Variants in DRG2 observed in about 807,000 individuals in gnomAD.
The protein encoded by DRG2 is developmentally-regulated GTP-binding protein 2.
In DRG2, 36 loss-of-function variants were observed where a neutral mutation model predicts 53.4. The observed-to-expected ratio is 0.67, with a 90% CI of 0.52 to 0.89. The LOEUF is 0.89. Ranked by LOEUF, DRG2 falls within the 40% of genes least tolerant of loss-of-function variation. The pLI is 0.00. For missense variants in DRG2, 342 were observed against 481.2 expected (o/e 0.71, Z 2.71); for synonymous variants, 167 against 192.1 (o/e 0.87, Z 1.08).
In DRG2 at chr17:18,099,537, TG is replaced by T; in HGVS notation, c.377-94del. On this transcript the variant is annotated intron_variant, in intron 4 of 12. Coordinates refer to ENST00000225729, the MANE Select transcript of DRG2 (RefSeq NM_001388.5). This position sits in a 1 kb window ranked among gnomAD's most constrained non-coding sequence, Gnocchi z 4.4. The stretch of plus-strand genomic sequence containing the variant: ...TTGTGCTAGTATGTGGCAGAGGCTG[TG>T]GTAGGTCTGTAAAGGACAGGAGTCC... 2 of 1,230,602 alleles carry T rather than the reference TG, an allele frequency of 1.6e-6. No homozygotes were observed. The highest frequency in any genetic ancestry group is 1.2e-6 in the Non-Finnish European group (1 of 854,764). The allele number at this position is 1,230,602 out of a possible 1,614,324, so 76.2% of individuals were successfully genotyped here.
At chr17:18,106,520 A>T (rs781536508) in intron 12 of DRG2, 34 bp downstream of exon 12, 4 of 1,613,128 alleles carry the variant, frequency 2.5e-6, no homozygotes. Flanking sequence ...CCAGGGGGGT[A>T]GACCCAGGAC....
intron 12 of DRG2, 21 bp downstream of exon 12, chr17:18,106,507 C>T (rs1320489251): frequency 1.2e-6 from 2 of 1,613,690 alleles, no homozygotes; most frequent in African/African-American, 2.7e-5. Flanking sequence ...GGGTGGAAAG[C>T]AACCAGGGGG....
intron 9 of DRG2, among the ~76,000 whole-genome samples, chr17:18,102,976 C>T (rs1481077379): frequency 1.3e-5 from 2 of 152,222 alleles, no homozygotes; most frequent in African/African-American, 4.8e-5. Flanking sequence ...GCCAACAGTA[C>T]TGAGAGCTCA....
At chr17:18,092,161 T>G (rs2045345944) in intron 1 of DRG2, 1 of 151,958 alleles carries the variant, frequency 6.6e-6, no homozygotes, top group Admixed American at 6.6e-5. Context: ...GTCAGCATAT[T>G]CTAGAAAAGG....
chr17:18,092,490 AGT>A lies in DRG2; in HGVS notation c.65-1318_65-1317del, dbSNP rs1490253875. On this transcript the variant is annotated intron_variant, in intron 1 of 12. Coordinates refer to ENST00000225729, the MANE Select transcript of DRG2 (RefSeq NM_001388.5). ...AGCAACTGTGTCTGGAATGTAGCAGAGTGTGTTGAAGTAGCCAGGAGCCAGGT... is the reference window on the plus strand; with the variant it reads ...AGCAACTGTGTCTGGAATGTAGCAGAGTGTTGAAGTAGCCAGGAGCCAGGT... Among the ~76,000 whole-genome samples, 3 of 152,116 alleles carry A rather than the reference AGT, an allele frequency of 2.0e-5. No individual in the cohort carries two copies. The South Asian group carries it at 6.2e-4, about 32-fold the overall frequency.
intron 1 of DRG2, among the ~76,000 whole-genome samples, 180 bp from the exon 2 acceptor site, chr17:18,093,633 T>C (rs1190913766): frequency 1.3e-5 from 2 of 152,112 alleles, no homozygotes; most frequent in Non-Finnish European, 2.9e-5. Flanking sequence ...GACTGGATTT[T>C]ATCTTAAATG....
intron 1 of DRG2, among the ~76,000 whole-genome samples, chr17:18,090,825 C>G (rs1397753159): frequency 6.6e-6 from 1 of 151,218 alleles, no homozygotes; most frequent in Non-Finnish European, 1.5e-5. Flanking sequence ...TGTGAGCCAC[C>G]CCACCCGGCC....
At chr17:18,105,538 C>CT (rs1214070272) in intron 11 of DRG2, 8 of 152,276 alleles carry the variant, frequency 5.3e-5, no homozygotes, top group East Asian at 1.9e-4. Flanking sequence ...CCCTCAGGGC[C>CT]TAGGCTTGAG....
At chr17:18,102,238 T>C (rs2045550709) in intron 9 of DRG2, among the ~76,000 whole-genome samples, 1 of 152,210 alleles carries the variant, frequency 6.6e-6, no homozygotes, top group Admixed American at 6.5e-5. Flanking sequence ...ATTCCAGTTC[T>C]GAATTGCCGT....
rs1469626967 is a variant in DRG2 at position 18,100,446 on chromosome 17, T to C, written c.540+11T>C. On this transcript the variant is annotated intron_variant, in intron 6 of 12. Coordinates refer to ENST00000225729, the MANE Select transcript of DRG2 (RefSeq NM_001388.5). The surrounding 1 kb of genome is among the most constrained non-coding windows in gnomAD (Gnocchi z 4.1). The stretch of plus-strand genomic sequence containing the variant: ...AACATCTACTTCAAGGTGAGGCACC[T>C]CTCTGGCCTTCAGGCCAGGGGTGTG... 10 of 1,614,102 alleles carry C rather than the reference T, an allele frequency of 6.2e-6. No homozygotes were observed. The highest frequency in any genetic ancestry group is 1.3e-5 in the African/African-American group (1 of 74,928).
chr17:18,097,593 T>G (rs1158005230), intron 2 of DRG2: 1 of 152,266 alleles, frequency 6.6e-6, no homozygotes, highest in Non-Finnish European at 1.5e-5. Flanking sequence ...TTAATCCCTG[T>G]GCAGTCCTGT....
At chr17:18,102,475 G>A (rs2045554597) in intron 9 of DRG2, among the ~76,000 whole-genome samples, 1 of 77,336 alleles carries the variant, frequency 1.3e-5, no homozygotes, top group Non-Finnish European at 2.9e-5. Context: ...ACAAAAATTA[G>A]CTGGGCGTGG....
rs1555533942 is a variant in DRG2, at chr17:18,098,278, C to G, written c.234C>G (p.Phe78Leu). The G allele has an allele frequency of 5.0e-6, 8 of 1,613,696 alleles. No homozygotes were observed. Among genetic ancestry groups the G allele is most frequent in the Non-Finnish European group, 2.5e-6 (3 of 1,179,766 alleles). ...ATCTCCTTTTCTCCTAGTCCACATTCTTGAGTCTGATGACCTCCACGGCCA... is the reference window on the plus strand; with the variant it reads ...ATCTCCTTTTCTCCTAGTCCACATTGTTGAGTCTGATGACCTCCACGGCCA... ...IGFPSVGKST[F>L]LSLMTSTASE... is the part of the protein sequence containing the mutation. Residue 78 changes from phenylalanine to leucine, a missense_variant, in exon 3 of 13, where the codon TTC becomes TTG. By Grantham distance (22) the Phe-to-Leu change is conservative (BLOSUM62 0). Coordinates refer to ENST00000225729, the MANE Select transcript of DRG2 (RefSeq NM_001388.5). This position sits in a 1 kb window ranked among gnomAD's most constrained non-coding sequence, Gnocchi z 4.1.
At chr17:18,092,340 G>A (rs562071042) in intron 1 of DRG2, among the ~76,000 whole-genome samples, 94 of 152,160 alleles carry the variant, frequency 6.2e-4, no homozygotes, top group Middle Eastern at 3.4e-3. Flanking sequence ...GGTGGTATAT[G>A]CCTGTAGTCC....
intron 2 of DRG2, 139 bp downstream of exon 2, chr17:18,094,112 C>G: frequency 8.5e-7 from 1 of 1,182,250 alleles, no homozygotes; most frequent in Non-Finnish European, 1.2e-6. Context: ...GGGTCAGATC[C>G]CAGCCCTTTA....
intron 2 of DRG2, among the ~76,000 whole-genome samples, chr17:18,094,974 CAAAA>C (rs1165321853): frequency 0.018 from 465 of 25,238 alleles, 3 homozygotes; most frequent in African/African-American, 0.05. Flanking sequence ...AACTCCATCT[CAAAA>C]AAAAAAAAAA....
rs2045667842 is a variant in DRG2, at chr17:18,107,681, T to C, written c.*441T>C. 1 of 198,460 alleles carries C rather than the reference T, an allele frequency of 5.0e-6. No homozygotes were observed. The highest frequency in any genetic ancestry group is 9.9e-5 in the South Asian group (1 of 10,054). 12.3% of individuals were successfully genotyped at this position (198,460 alleles called of 1,614,324 possible). On this transcript the variant is annotated 3_prime_UTR_variant, in exon 13 of 13. Transcript: ENST00000225729. Reference sequence around the variant, plus strand: ...TTGCCAGCTTCTCTGACACTTGGGTTGGGGGCCCTTCCAGGAGGAAACCCC... The same window carrying C: ...TTGCCAGCTTCTCTGACACTTGGGTCGGGGGCCCTTCCAGGAGGAAACCCC...
intron 12 of DRG2, 148 bp downstream of exon 12, chr17:18,106,634 G>T: frequency 1.3e-6 from 1 of 779,044 alleles, no homozygotes; most frequent in Non-Finnish European, 2.1e-6. Flanking sequence ...TCCATAGAAT[G>T]TACATGCCAA....
At chr17:18,090,406 ATTT>A (rs1186716416) in intron 1 of DRG2, among the ~76,000 whole-genome samples, 4 of 22,692 alleles carry the variant, frequency 1.8e-4, no homozygotes, top group East Asian at 1.2e-3. Flanking sequence ...ATATATATAT[ATTT>A]TTTTTTTTTT....
Sources: gnomAD v4.1 joint callset for allele counts (sites outside exome capture counted in the v4.1 genomes callset) on GRCh38, gnomAD v4.1.1 for gene constraint, Gnocchi (gnomAD v3.1) non-coding constraint, MANE v1.5 for transcripts, NCBI Gene and HGNC (gene_info 2026-07-23, HGNC 2026-07-21) for gene names.